Variants in PIP5KL1 observed in about 807,000 individuals in gnomAD.
The protein encoded by PIP5KL1 is phosphatidylinositol-4-phosphate 5-kinase like 1, also known as phosphatidylinositol 4-phosphate 5-kinase-like protein 1.
PIP5KL1 carries 45 observed loss-of-function variants against 47.6 expected under a neutral mutation model. The observed-to-expected ratio is 0.94, with a 90% CI of 0.74 to 1.21. The LOEUF is 1.21. PIP5KL1 is among the 50% of genes most tolerant of loss of function. The pLI is 0.00. For missense variants in PIP5KL1, 577 were observed against 547.6 expected, an observed-to-expected ratio of 1.05 and a Z score of -0.54; for synonymous variants, 256 against 234.6, an observed-to-expected ratio of 1.09 and a Z score of -0.84.
In PIP5KL1 at chr9:127,928,178, C is replaced by T; in HGVS notation, c.321G>A (p.Trp107Ter). 1.3e-6 allele frequency: 2 copies of T among 1,540,042 alleles called. No individual in the cohort carries two copies. The highest frequency in any genetic ancestry group is 1.7e-6 in the Non-Finnish European group (2 of 1,143,602). Residue 107 changes from tryptophan to a stop codon, truncating the protein, a stop_gained, in exon 4 of 10, where the codon TGG (tryptophan) becomes TGA (stop). Transcript: ENST00000388747. LOFTEE classifies it high-confidence loss of function. ...CCGCCAGGCCCAGGGAGCGGCGCAG[C>T]CAGGCAAAGGCGGGGCCGGCCAGCG... ...LGTLAGPAFA[W>*]LRRSLGLAEE...
Position 127,927,056 on chromosome 9 carries a change from C to T in PIP5KL1, c.650+97G>A. The T allele has an allele frequency of 7.3e-7, 1 of 1,371,460 alleles. No individual in the cohort carries two copies. The highest frequency in any genetic ancestry group is 1.4e-5 in the South Asian group (1 of 69,980). The allele number at this position is 1,371,460 out of a possible 1,614,324, so 85.0% of individuals were successfully genotyped here. A position where few individuals can be genotyped will look rare whatever the true frequency, so the allele number is the denominator to read the frequency against. On this transcript the variant is annotated intron_variant, in intron 7 of 9. Coordinates refer to ENST00000388747, the MANE Select transcript of PIP5KL1 (RefSeq NM_001135219.2). This position sits in a 1 kb window ranked among gnomAD's most constrained non-coding sequence, Gnocchi z 5.5. ...GATCTTGGGAACGCCCCTTCTCCTT[C>T]CTGGGCCTCGGTTTCACCGTCTGGC...
chr9:127,925,323 ACT>A, intron 8 of PIP5KL1, 63 bp from the exon 9 acceptor site: 5 of 1,564,314 alleles, frequency 3.2e-6, no homozygotes, highest in Non-Finnish European at 4.3e-6. Flanking sequence ...TGCTCCACAC[ACT>A]CTGCCCCGTG....
rs1227446236 is a variant in PIP5KL1, at chr9:127,921,854, G to A, written c.1178C>T (p.Thr393Met). Residue 393 changes from threonine to methionine, a missense_variant, in exon 10 of 10, where the codon ACG becomes ATG. Physicochemically the swap from Thr to Met is moderately conservative, Grantham distance 81. Transcript: ENST00000388747. ...RRLCQWVEAH[T>M]E ...AGTGGGGCCGGGCGCCCGTCACTCC[G>A]TGTGCGCCTCCACCCACTGGCAGAG... 4 of 1,573,124 alleles carry A rather than the reference G, an allele frequency of 2.5e-6. No homozygotes were observed. The African/African-American group carries it at 4.0e-5, about 16-fold the overall frequency.
In PIP5KL1 at chr9:127,929,650, G is replaced by A. The variant is rs753051873; in HGVS notation, c.228+38C>T. On this transcript the variant is annotated intron_variant, in intron 2 of 9. Coordinates refer to ENST00000388747, the MANE Select transcript of PIP5KL1 (RefSeq NM_001135219.2). This position sits in a 1 kb window ranked among gnomAD's most constrained non-coding sequence, Gnocchi z 4.0. ...AGGGCATCAGCCAAGTCTTGCCATT[G>A]CTGGTGTGGAGATTCGTGGGACAGA... 99 of 1,502,080 alleles carry A rather than the reference G, an allele frequency of 6.6e-5. No individual in the cohort carries two copies. Among genetic ancestry groups the A allele is most frequent in the Non-Finnish European group, 8.2e-5 (91 of 1,113,644 alleles). The allele number at this position is 1,502,080 out of a possible 1,614,324, so 93.0% of individuals were successfully genotyped here. A position where few individuals can be genotyped will look rare whatever the true frequency, so the allele number is the denominator to read the frequency against.
chr9:127,930,668 C>T (rs1423118936), intron 1 of PIP5KL1, 55 bp downstream of exon 1: 3 of 1,485,840 alleles, frequency 2.0e-6, no homozygotes, highest in Middle Eastern at 1.8e-4. Context: ...AGGGGAGGCC[C>T]GGCCCCTGCC....
chr9:127,922,787 G>A (rs1212554237), intron 9 of PIP5KL1, among the ~76,000 whole-genome samples: 1 of 151,828 alleles, frequency 6.6e-6, no homozygotes, highest in Non-Finnish European at 1.5e-5. Context: ...TCATTTTTAC[G>A]TTGATTCAAT....
At position 127,925,394 on chromosome 9, in the gene PIP5KL1, C is replaced by G. The variant is rs893562253; in HGVS notation, c.764-134G>C. ...ATAAAGAAACTCATCTGTAATTTGC[C>G]TTGGTCACTTAGCTAGGAAGTCATG... On this transcript the variant is annotated intron_variant, in intron 8 of 9. Transcript: ENST00000388747. The G allele has an allele frequency of 3.7e-6, 4 of 1,076,540 alleles. No homozygotes were observed. In the African/African-American group the frequency reaches 6.4e-5, roughly 17 times the overall value. The allele number at this position is 1,076,540 out of a possible 1,614,324, so 66.7% of individuals were successfully genotyped here.
intron 9 of PIP5KL1, among the ~76,000 whole-genome samples, chr9:127,923,778 C>T (rs563620848): frequency 2.6e-5 from 4 of 152,230 alleles, no homozygotes; most frequent in Non-Finnish European, 5.9e-5. Context: ...GTCTTAGCTC[C>T]TATGTAATTC....
chr9:127,922,625 C>T (rs1188588974), intron 9 of PIP5KL1, among the ~76,000 whole-genome samples: 2 of 126,578 alleles, frequency 1.6e-5, no homozygotes, highest in Non-Finnish European at 3.2e-5. Context: ...ACCCGGGAGG[C>T]GGAGGGTTGC....
chr9:127,925,836 G>C, intron 8 of PIP5KL1, 31 bp downstream of exon 8: 1 of 1,540,182 alleles, frequency 6.5e-7, no homozygotes. Flanking sequence ...GAATGAAGGA[G>C]GAACAGGCAG....
rs955171503 is a variant in PIP5KL1 at position 127,921,660 on chromosome 9, G to T, written c.*187C>A. On this transcript the variant is annotated 3_prime_UTR_variant, in exon 10 of 10. Coordinates refer to ENST00000388747, the MANE Select transcript of PIP5KL1 (RefSeq NM_001135219.2). ...GGATTAAATGAGCTAAAGTAGGGGA[G>T]TCCTTGGCACGATGCTGGGCACGGC... The T allele has an allele frequency of 2.6e-6, 2 of 771,504 alleles. No individual in the cohort carries two copies. Among genetic ancestry groups the T allele is most frequent in the Middle Eastern group, 7.9e-4 (2 of 2,546 alleles). The allele number at this position is 771,504 out of a possible 1,614,324, so 47.8% of individuals were successfully genotyped here.
In PIP5KL1 at chr9:127,922,564, G is replaced by C. The variant is rs559765423; in HGVS notation, c.918-450C>G. 4.0e-5 allele frequency among the ~76,000 whole-genome samples: 6 copies of C among 151,862 alleles called. No individual in the cohort carries two copies. In the East Asian group the frequency reaches 1.2e-3, roughly 29 times the overall value. On this transcript the variant is annotated intron_variant, in intron 9 of 9. Transcript: ENST00000388747. ...AATTAACTAGCCAGGTGTGGTGGCG[G>C]ACGCCTGTAATCCCAGCTGCTCAGG...
intron 2 of PIP5KL1, among the ~76,000 whole-genome samples, chr9:127,928,981 G>C (rs971093071): frequency 6.6e-6 from 1 of 152,232 alleles, no homozygotes; most frequent in African/African-American, 2.4e-5. Context: ...GCAAGGGAAG[G>C]AGGGCCCAAG....
At chr9:127,928,270 G>A in intron 3 of PIP5KL1, 51 bp from the exon 4 acceptor site, 2 of 1,531,704 alleles carry the variant, frequency 1.3e-6, no homozygotes, top group Non-Finnish European at 8.8e-7. Flanking sequence ...GCCCGGGTGT[G>A]TGCAGTTGGT....
chr9:127,928,293 G>T, intron 3 of PIP5KL1, 74 bp from the exon 4 acceptor site: 1 of 1,537,298 alleles, frequency 6.5e-7, no homozygotes. Flanking sequence ...TGGGACAGGA[G>T]GGTCAGGGTG....
Position 127,927,511 on chromosome 9 carries a change from GC to G in PIP5KL1, c.559+136del, listed in dbSNP as rs933090684. ...CTAAACACAGCCCCAGTGGTGCCCC[GC>G]CCCCACGTATGGCCCCACCCCCATG... On this transcript the variant is annotated intron_variant, in intron 5 of 9. Coordinates refer to ENST00000388747, the MANE Select transcript of PIP5KL1 (RefSeq NM_001135219.2). This position sits in a 1 kb window ranked among gnomAD's most constrained non-coding sequence, Gnocchi z 5.5. The G allele has an allele frequency of 7.5e-6, 2 of 268,016 alleles. No homozygotes were observed. Among genetic ancestry groups the G allele is most frequent in the South Asian group, 6.1e-5 (1 of 16,296 alleles). The allele number at this position is 268,016 out of a possible 1,614,324, so 16.6% of individuals were successfully genotyped here.
chr9:127,928,578 C>A, intron 2 of PIP5KL1, 95 bp from the exon 3 acceptor site: 1 of 1,288,874 alleles, frequency 7.8e-7, no homozygotes, highest in Non-Finnish European at 1.0e-6. Flanking sequence ...CGTCCCCCAC[C>A]TCCTCCAATT....
intron 8 of PIP5KL1, chr9:127,925,484 G>T: frequency 1.8e-6 from 1 of 546,830 alleles, no homozygotes; most frequent in Admixed American, 3.5e-5. Context: ...TTTATTTTTT[G>T]AGACAGAGTC....
Position 127,927,286 on chromosome 9 carries a change from G to T in PIP5KL1, c.594+11C>A, listed in dbSNP as rs774673425. 2 of 1,611,454 alleles carry T rather than the reference G, an allele frequency of 1.2e-6. No homozygotes were observed. Among genetic ancestry groups the T allele is most frequent in the Non-Finnish European group, 1.7e-6 (2 of 1,179,382 alleles). On this transcript the variant is annotated intron_variant, in intron 6 of 9. Coordinates refer to ENST00000388747, the MANE Select transcript of PIP5KL1 (RefSeq NM_001135219.2). This position sits in a 1 kb window ranked among gnomAD's most constrained non-coding sequence, Gnocchi z 5.5. ...CGCTCCGCCCAGCCACCTCGCCTCG[G>T]CTTCACCCACCTTCTTTCCCCGGTC...
Sources: allele counts gnomAD v4.1 joint callset (sites outside exome capture counted in the v4.1 genomes callset), GRCh38; gene constraint gnomAD v4.1.1; non-coding constraint Gnocchi (gnomAD v3.1); transcripts MANE v1.5; gene names NCBI Gene and HGNC (gene_info 2026-07-23, HGNC 2026-07-21).